The following DPP6 variants were observed in gnomAD, a reference collection of about 807,000 sequenced individuals.
DPP6 encodes dipeptidyl peptidase like 6.
A neutral mutation model predicts 122.6 loss-of-function variants in DPP6; 69 were observed. The observed-to-expected ratio is 0.56, with a 90% CI of 0.46 to 0.69. The LOEUF is 0.69. DPP6 is among the 30% of genes least tolerant of loss of function. DPP6 has a pLI of 0.00. For missense variants in DPP6, 928 were observed against 1,116.9 expected, an observed-to-expected ratio of 0.83 and a Z score of 2.41; for synonymous variants, 418 against 433.1, an observed-to-expected ratio of 0.97 and a Z score of 0.43.
intron 7 of DPP6, among the ~76,000 whole-genome samples, chr7:154,690,779 A>G (rs929296365): frequency 1.6e-4 from 24 of 152,158 alleles, no homozygotes; most frequent in African/African-American, 5.6e-4. Context: ...TGTTGAGGAC[A>G]CAAAAAACCC....
At chr7:154,814,458 G>A (rs926205728) in intron 16 of DPP6, among the ~76,000 whole-genome samples, 1 of 152,122 alleles carries the variant, frequency 6.6e-6, no homozygotes, top group Non-Finnish European at 1.5e-5. Context: ...GCAGACCAAC[G>A]CCTGTGACAG....
chr7:154,207,161 C>T (rs1271278421), intron 1 of DPP6, among the ~76,000 whole-genome samples: 1 of 152,156 alleles, frequency 6.6e-6, no homozygotes, highest in African/African-American at 2.4e-5. Context: ...ACATAGCACA[C>T]ATATAAAAGT....
intron 7 of DPP6, among the ~76,000 whole-genome samples, chr7:154,713,307 C>A (rs2131311752): frequency 6.6e-6 from 1 of 152,316 alleles, no homozygotes; most frequent in South Asian, 2.1e-4. Flanking sequence ...GGTGGATCTA[C>A]CATTCTGGGA....
intron 1 of DPP6, among the ~76,000 whole-genome samples, chr7:153,986,292 C>CT (rs1055634784): frequency 3.3e-5 from 5 of 152,130 alleles, no homozygotes; most frequent in African/African-American, 7.2e-5. Context: ...TTTTCAGTGC[C>CT]TTTTTTTCTA....
At chr7:154,803,827 C>G (rs79768825) in intron 13 of DPP6, 37 bp from the exon 14 acceptor site, 7 of 1,601,248 alleles carry the variant, frequency 4.4e-6, no homozygotes, top group Non-Finnish European at 6.0e-6. Flanking sequence ...GCCGGGACAC[C>G]GGTGTCTGCT....
At chr7:154,590,458 G>A (rs867473496) in intron 5 of DPP6, among the ~76,000 whole-genome samples, 28 of 149,764 alleles carry the variant, frequency 1.9e-4, no homozygotes, top group Non-Finnish European at 3.5e-4. Context: ...GGGTAGGTCC[G>A]TGTTATGTTT....
At chr7:154,532,096 A>G (rs1275914162) in intron 3 of DPP6, among the ~76,000 whole-genome samples, 3 of 152,110 alleles carry the variant, frequency 2.0e-5, no homozygotes, top group African/African-American at 4.8e-5. Context: ...GTTAGACTAT[A>G]TTATTATCCA....
chr7:153,782,002 ACACACACG>A, the DPP6 span, among the ~76,000 whole-genome samples: 4 of 124,078 alleles, frequency 3.2e-5, no homozygotes, highest in African/African-American at 9.2e-5. Flanking sequence ...ACACACACAC[ACACACACG>A]CCTGACATTT....
the DPP6 span, among the ~76,000 whole-genome samples, chr7:153,787,210 A>C: frequency 7.0e-6 from 1 of 142,788 alleles, no homozygotes; most frequent in Non-Finnish European, 1.5e-5. Context: ...TCGGCCTCCC[A>C]AAGTGCTGGG....
chr7:153,802,670 G>A, the DPP6 span, among the ~76,000 whole-genome samples: 8 of 152,124 alleles, frequency 5.3e-5, no homozygotes, highest in East Asian at 7.7e-4. Flanking sequence ...TTGCCTATTC[G>A]GGAAATGCAT....
chr7:154,793,815 C>T (rs899674885), intron 10 of DPP6: 17 of 397,666 alleles, frequency 4.3e-5, no homozygotes, highest in Non-Finnish European at 7.6e-5. Flanking sequence ...CCCCTCACCC[C>T]CAGGGCAGCC....
intron 5 of DPP6, among the ~76,000 whole-genome samples, chr7:154,591,763 C>T (rs1232886251): frequency 4.6e-5 from 7 of 152,184 alleles, no homozygotes; most frequent in African/African-American, 1.7e-4. Context: ...AGCTGCAGGC[C>T]CTGGCTGGGT....
chr7:153,874,490 C>T, the DPP6 span, among the ~76,000 whole-genome samples: 3 of 152,188 alleles, frequency 2.0e-5, no homozygotes, highest in Non-Finnish European at 4.4e-5. Flanking sequence ...ATTCTCCTGT[C>T]TCAGCCTCCC....
At chr7:154,320,725 A>T (rs937592126) in intron 1 of DPP6, among the ~76,000 whole-genome samples, 1 of 152,098 alleles carries the variant, frequency 6.6e-6, no homozygotes, top group African/African-American at 2.4e-5. Context: ...GCCTCAGGTG[A>T]TCCGCCTGCC....
chr7:154,005,180 C>A lies in DPP6; in HGVS notation c.51+117446C>A, dbSNP rs1462177839. 2.6e-5 allele frequency among the ~76,000 whole-genome samples: 4 copies of A among 152,294 alleles called. No individual in the cohort carries two copies. In the East Asian group the frequency reaches 7.7e-4, roughly 29 times the overall value. On this transcript the variant is annotated intron_variant, in intron 1 of 25. Coordinates refer to the DPP6 transcript ENST00000404039. Reference sequence around the variant, plus strand: ...AGACTATCTGAAAAGGCCTATTTTTCAGATTTCATCTTGGAGACCTTTCAT... The same window carrying A: ...AGACTATCTGAAAAGGCCTATTTTTAAGATTTCATCTTGGAGACCTTTCAT...
chr7:154,661,670 A>G (rs771046249), intron 6 of DPP6, among the ~76,000 whole-genome samples: 91 of 129,086 alleles, frequency 7.0e-4, no homozygotes, highest in African/African-American at 2.3e-3. Context: ...TCACCATGGC[A>G]TATTGGCGCT....
At chr7:153,788,197 C>A in the DPP6 span, among the ~76,000 whole-genome samples, 63,475 of 150,296 alleles carry the variant, frequency 0.42, 11,960 homozygotes, top group Middle Eastern at 0.5. Flanking sequence ...AAAAAGATTT[C>A]TTTCTACATT....
chr7:154,530,334 T>C (rs1404436592), intron 3 of DPP6, among the ~76,000 whole-genome samples: 2 of 152,090 alleles, frequency 1.3e-5, no homozygotes, highest in African/African-American at 4.8e-5. Context: ...AAGACATACC[T>C]TGGCAAATAC....
chr7:154,218,805 A>G (rs909301397), intron 1 of DPP6, among the ~76,000 whole-genome samples: 1 of 152,228 alleles, frequency 6.6e-6, no homozygotes, highest in African/African-American at 2.4e-5. Context: ...TTTCTATTAA[A>G]CAGCGGGGCT....
Sources: allele counts gnomAD v4.1 joint callset (sites outside exome capture counted in the v4.1 genomes callset), GRCh38; gene constraint gnomAD v4.1.1; transcripts MANE v1.5; gene names NCBI Gene and HGNC (gene_info 2026-07-23, HGNC 2026-07-21).